MLH3: variants seen among roughly 807,000 people sequenced by gnomAD.
The protein encoded by MLH3 is mutL homolog 3.
A neutral mutation model predicts 122.2 loss-of-function variants in MLH3; 82 were observed. That is an observed-to-expected ratio of 0.67 (90% CI 0.56 to 0.81). The LOEUF (loss-of-function observed/expected upper bound fraction) is 0.81. Among genes scored for constraint, MLH3 ranks in the 30% least tolerant of loss-of-function variants. MLH3 has a pLI of 0.00. For missense variants in MLH3, 1,539 were observed against 1,714.5 expected (o/e 0.90, Z 1.81); for synonymous variants, 524 against 599.5 (o/e 0.87, Z 1.84).
chr14:75,039,880 T>TATATATATATA (rs768284664), intron 5 of MLH3, 31 bp downstream of exon 5: 1 of 548,842 alleles, frequency 1.8e-6, no homozygotes, highest in African/African-American at 2.2e-5. Context: ...TATATATATA[T>TATATATATATA]ATTTATGAGA....
At chr14:75,035,536 AC>A (rs1366556868) in intron 6 of MLH3, among the ~76,000 whole-genome samples, 2 of 152,090 alleles carry the variant, frequency 1.3e-5, no homozygotes, top group African/African-American at 4.8e-5. Context: ...AACAACAACA[AC>A]AAAAAACTAT....
intron 6 of MLH3, chr14:75,036,532 A>T (rs1354220092): frequency 2.6e-6 from 1 of 378,980 alleles, no homozygotes; most frequent in Non-Finnish European, 5.3e-6. Flanking sequence ...TTTAGTAGAG[A>T]CAGCGTTTCA....
intron 2 of MLH3, among the ~76,000 whole-genome samples, chr14:75,045,110 A>C (rs1006561655): frequency 4.6e-5 from 7 of 152,180 alleles, no homozygotes; most frequent in Non-Finnish European, 8.8e-5. Context: ...CAGGTGGATC[A>C]CCTGAGGTCA....
intron 11 of MLH3, 150 bp from the exon 12 acceptor site, chr14:75,019,130 G>A: frequency 1.4e-6 from 1 of 728,230 alleles, no homozygotes; most frequent in Non-Finnish European, 2.3e-6. Flanking sequence ...GGTGCTTATA[G>A]GCCGGGCATG....
intron 11 of MLH3, 23 bp downstream of exon 11, chr14:75,022,791 C>T (rs778086347): frequency 1.2e-6 from 2 of 1,610,192 alleles, no homozygotes; most frequent in South Asian, 2.2e-5. Context: ...GGTGTTTGAT[C>T]ACTGCTATGT....
At chr14:75,043,001 CT>C (rs1171603690) in intron 2 of MLH3, among the ~76,000 whole-genome samples, 1 of 152,170 alleles carries the variant, frequency 6.6e-6, no homozygotes, top group Non-Finnish European at 1.5e-5. Context: ...TGGTCTCAAA[CT>C]CTTGACCTTG....
At chr14:75,028,123 C>A (rs1890782947) in intron 9 of MLH3, among the ~76,000 whole-genome samples, 1 of 150,858 alleles carries the variant, frequency 6.6e-6, no homozygotes, top group Non-Finnish European at 1.5e-5. Flanking sequence ...AAAAAAGAAA[C>A]ATATAAGTAA....
Position 75,048,792 on chromosome 14 carries a change from C to G in MLH3, c.864G>C (p.Arg288Ser), listed in dbSNP as rs552320092. Reference sequence around the variant, plus strand: ...GGTGCCGAAGACTTGAATTCATTTGCCTACTGGTGGGACCATTCTTTGGCT... The same window carrying G: ...GGTGCCGAAGACTTGAATTCATTTGGCTACTGGTGGGACCATTCTTTGGCT... ...ICKPKNGPTS[R>S]QMNSSLRHRS... The change falls in exon 2 of 13, where the codon AGG (arginine) becomes AGC (serine). Residue 288 changes from arginine (R) to serine (S), a missense_variant. Physicochemically the swap from Arg to Ser is moderately radical, Grantham distance 110. Transcript: ENST00000355774. The G allele has an allele frequency of 1.2e-6, 2 of 1,614,074 alleles. No individual in the cohort carries two copies. Among genetic ancestry groups the G allele is most frequent in the Admixed American group, 3.3e-5 (2 of 60,012 alleles).
chr14:75,016,953 G>C lies in MLH3; in HGVS notation c.*129C>G, dbSNP rs1441410633. 4.9e-6 allele frequency: 5 copies of C among 1,027,734 alleles called. No individual in the cohort carries two copies. Among genetic ancestry groups the C allele is most frequent in the Non-Finnish European group, 7.6e-6 (5 of 655,860 alleles). The allele number at this position is 1,027,734 out of a possible 1,614,324, so 63.7% of individuals were successfully genotyped here. A position where few individuals can be genotyped will look rare whatever the true frequency, so the allele number is the denominator to read the frequency against. ...AAGAAAGACTGATACAGAGAGCCCT[G>C]CTGTCTAAGCTGCTCAGGGACACTG... is the stretch of plus-strand genomic sequence containing the variant. On this transcript the variant is annotated 3_prime_UTR_variant, in exon 13 of 13. Coordinates refer to ENST00000355774, the MANE Select transcript of MLH3 (RefSeq NM_001040108.2).
rs71429074 is a variant in MLH3, at chr14:75,024,592, C to T, written c.3988-1574G>A. Among the ~76,000 whole-genome samples the T allele has an allele frequency of 3.9e-5, 6 of 152,228 alleles. No homozygotes were observed. The East Asian group carries it at 1.2e-3, about 29-fold the overall frequency. On this transcript the variant is annotated intron_variant, in intron 9 of 12. Transcript: ENST00000355774. ...GCGCGATCTCAGCTCACTGCAGCCT[C>T]CACCTCCTCACCAGGCTAGAAGATA...
rs1184249507 is a variant in MLH3 at position 75,049,320 on chromosome 14, C to T, written c.336G>A (p.Lys112=). 6.2e-7 allele frequency: 1 copy of T among 1,614,154 alleles called. No homozygotes were observed. Among genetic ancestry groups the T allele is most frequent in the Non-Finnish European group, 8.5e-7 (1 of 1,180,034 alleles). ...CAAAAGTTTTCATTGTCCTGTTTTT[C>T]TTGGACGAAATTTCCACAGCACTGG... ...DMASAVEISS[K]KNRTMKTFVK... is the part of the protein sequence containing the mutation. The change falls in exon 2 of 13, where the codon AAG becomes AAA. Residue 112 remains lysine (K), a synonymous_variant. Coordinates refer to ENST00000355774, the MANE Select transcript of MLH3 (RefSeq NM_001040108.2).
rs138166592 is a variant in MLH3 at position 75,042,423 on chromosome 14, G to A, written c.3335C>T (p.Pro1112Leu). 1.9e-5 allele frequency: 31 copies of A among 1,613,988 alleles called. No homozygotes were observed. Among genetic ancestry groups the A allele is most frequent in the Admixed American group, 1.3e-4 (8 of 59,992 alleles). The change falls in exon 3 of 13, where the codon CCG becomes CTG. Residue 1112 changes from proline (P) to leucine (L), a missense_variant. Coordinates refer to ENST00000355774, the MANE Select transcript of MLH3 (RefSeq NM_001040108.2). Reference protein sequence around the residue: ...FRSDLVLPFLPRARAERTVMR... With the variant: ...FRSDLVLPFLLRARAERTVMR... ...CACAGTCCTCTCTGCTCGAGCTCTC[G>A]GAAGGAAAGGAAGAACAAGGTCGCT...
Position 75,033,440 on chromosome 14 carries a change from G to T in MLH3, c.3694C>A (p.Arg1232Ser). 6.2e-7 allele frequency: 1 copy of T among 1,614,034 alleles called. No homozygotes were observed. The highest frequency in any genetic ancestry group is 8.5e-7 in the Non-Finnish European group (1 of 1,179,974). The change falls in exon 7 of 13, where the codon CGT becomes AGT. Residue 1232 changes from arginine to serine, a missense_variant. Coordinates refer to ENST00000355774, the MANE Select transcript of MLH3 (RefSeq NM_001040108.2). ...TTACCAATGATAAGCTGCTCCAGAC[G>T]TATACGCTCATGGGCAGCGTGCTGA... Reference protein sequence around the residue: ...VDQHAAHERIRLEQLIIDSYE... With the variant: ...VDQHAAHERISLEQLIIDSYE...
intron 9 of MLH3, among the ~76,000 whole-genome samples, chr14:75,029,727 G>GT (rs534679985): frequency 6.6e-6 from 1 of 152,008 alleles, no homozygotes; most frequent in East Asian, 1.9e-4. Flanking sequence ...TAGAGATGGG[G>GT]TTTTTCCATG....
At chr14:75,036,681 C>T (rs1230539437) in intron 6 of MLH3, 2 of 455,862 alleles carry the variant, frequency 4.4e-6, no homozygotes, top group African/African-American at 4.0e-5. Flanking sequence ...AAAGACTGAA[C>T]TCATGATTTT....
chr14:75,045,040 G>A (rs563584346), intron 2 of MLH3, among the ~76,000 whole-genome samples: 1 of 152,260 alleles, frequency 6.6e-6, no homozygotes, highest in Non-Finnish European at 1.5e-5. Context: ...CGATCTAAAA[G>A]CTATATTGGT....
chr14:75,039,846 C>CATATATATATAAT (rs1555343611), intron 5 of MLH3, 65 bp downstream of exon 5: 4 of 259,834 alleles, frequency 1.5e-5, no homozygotes, highest in African/African-American at 1.5e-4. Context: ...AGAGTTAGGC[C>CATATATATATAAT]ATATATATAT....
intron 4 of MLH3, 139 bp from the exon 5 acceptor site, chr14:75,040,154 A>C: frequency 1.8e-6 from 1 of 558,384 alleles, no homozygotes; most frequent in South Asian, 1.6e-5. Flanking sequence ...AATTTATAGA[A>C]ATTCAAAAGA....
chr14:75,042,299 C>T, intron 3 of MLH3, 80 bp downstream of exon 3: 1 of 1,237,018 alleles, frequency 8.1e-7, no homozygotes. Context: ...ACTGATCAAG[C>T]TTAATGCAAG....
Sources: gnomAD v4.1 joint callset for allele counts (sites outside exome capture counted in the v4.1 genomes callset) on GRCh38, gnomAD v4.1.1 for gene constraint, MANE v1.5 for transcripts, NCBI Gene and HGNC (gene_info 2026-07-23, HGNC 2026-07-21) for gene names.